Variants in SYCP2L observed in about 807,000 individuals in gnomAD.
SYCP2L encodes the protein synaptonemal complex protein 2 like.
SYCP2L carries 98 observed loss-of-function variants against 125.8 expected under a neutral mutation model. The observed-to-expected ratio is 0.78, with a 90% CI of 0.66 to 0.92. The LOEUF (loss-of-function observed/expected upper bound fraction) is 0.92. Ranked by LOEUF, SYCP2L falls within the 40% of genes least tolerant of loss-of-function variation. The pLI is 0.00. For missense variants in SYCP2L, 842 were observed against 936.4 expected (o/e 0.90, Z 1.32); for synonymous variants, 317 against 325.4 (o/e 0.97, Z 0.28).
At chr6:10,932,298 A>G (rs969539496) in intron 20 of SYCP2L, among the ~76,000 whole-genome samples, 2 of 152,200 alleles carry the variant, frequency 1.3e-5, no homozygotes, top group African/African-American at 2.4e-5. Context: ...AAGAATAGAG[A>G]CAGCAGTGTC....
chr6:10,959,128 T>TA (rs1352674652), intron 26 of SYCP2L, among the ~76,000 whole-genome samples: 3 of 152,204 alleles, frequency 2.0e-5, no homozygotes, highest in Non-Finnish European at 2.9e-5. Context: ...ATTATCCAGT[T>TA]ATGAAGAGAA....
rs1240389122 is a variant in SYCP2L, at chr6:10,912,297, G to A, written c.919-376G>A. Among the ~76,000 whole-genome samples, 1 of 152,074 alleles carries A rather than the reference G, an allele frequency of 6.6e-6. No homozygotes were observed. Among genetic ancestry groups the A allele is most frequent in the Non-Finnish European group, 1.5e-5 (1 of 67,998 alleles). ...GATAGATGGCAAATCACTCATGTTTGGTTACAGTATCTCCTTCTCCAGAAG... is the reference window on the plus strand; with the variant it reads ...GATAGATGGCAAATCACTCATGTTTAGTTACAGTATCTCCTTCTCCAGAAG... On this transcript the variant is annotated intron_variant, in intron 12 of 29. Coordinates refer to ENST00000283141, the MANE Select transcript of SYCP2L (RefSeq NM_001040274.3). This position sits in a 1 kb window ranked among gnomAD's most constrained non-coding sequence, Gnocchi z 4.1.
chr6:10,888,098 T>A (rs1780110452), intron 1 of SYCP2L, among the ~76,000 whole-genome samples: 1 of 76,890 alleles, frequency 1.3e-5, no homozygotes, highest in Non-Finnish European at 2.4e-5. Flanking sequence ...TTTTTTTTTT[T>A]TTTTTTTTTT....
Position 10,931,466 on chromosome 6 carries a change from G to A in SYCP2L, c.1660G>A (p.Gly554Ser). 2.5e-6 allele frequency: 4 copies of A among 1,614,098 alleles called. No individual in the cohort carries two copies. The highest frequency in any genetic ancestry group is 1.7e-6 in the Non-Finnish European group (2 of 1,179,966). ...CTTGCCAGTTTTCCCTCCCAGTAGT[G>A]GCAGTGGCCATGAGAAAGACCAAGT... ...RILPVFPPSS[G>S]SGHEKDQAKL... The change falls in exon 20 of 30, where the codon GGC becomes AGC. Residue 554 changes from glycine to serine, a missense_variant. Gly to Ser is a moderately conservative substitution (Grantham distance 56). Transcript: ENST00000283141.
In SYCP2L at chr6:10,926,386, T is replaced by C; in HGVS notation, c.1266T>C (p.Ser422=). The C allele has an allele frequency of 6.2e-7, 1 of 1,613,930 alleles. No individual in the cohort carries two copies. Among genetic ancestry groups the C allele is most frequent in the Non-Finnish European group, 8.5e-7 (1 of 1,179,896 alleles). Reference sequence around the variant, plus strand: ...TCTCCTCAGAACTTTTTAGTAAGTCTGATAAAGAAGACAGGGAGAGTCCCA... The same window carrying C: ...TCTCCTCAGAACTTTTTAGTAAGTCCGATAAAGAAGACAGGGAGAGTCCCA... ...TKISSELFSK[S]DKEDRESPSG... The change falls in exon 16 of 30, where the codon TCT becomes TCC. Residue 422 remains serine (S), a synonymous_variant. Coordinates refer to ENST00000283141, the MANE Select transcript of SYCP2L (RefSeq NM_001040274.3).
intron 28 of SYCP2L, 117 bp from the exon 29 acceptor site, chr6:10,963,665 A>G: frequency 1.0e-6 from 1 of 979,374 alleles, no homozygotes; most frequent in Non-Finnish European, 1.5e-6. Context: ...GGTGTCTATA[A>G]TTAAGTAATA....
chr6:10,944,836 TC>T (rs1311048543), intron 23 of SYCP2L, among the ~76,000 whole-genome samples: 1 of 152,152 alleles, frequency 6.6e-6, no homozygotes, highest in Non-Finnish European at 1.5e-5. Flanking sequence ...TGCCTCAGCC[TC>T]CCAAGTAGCT....
Position 10,912,155 on chromosome 6 carries a change from C to T in SYCP2L, c.919-518C>T, listed in dbSNP as rs1462849737. Among the ~76,000 whole-genome samples, 3 of 151,878 alleles carry T rather than the reference C, an allele frequency of 2.0e-5. No individual in the cohort carries two copies. The highest frequency in any genetic ancestry group is 7.3e-5 in the African/African-American group (3 of 41,366). Reference sequence around the variant, plus strand: ...AGATGTTTACTGTTTCTATAAACACCATACTGTTAGAATCTTTCTTCCCCT... The same window carrying T: ...AGATGTTTACTGTTTCTATAAACACTATACTGTTAGAATCTTTCTTCCCCT... On this transcript the variant is annotated intron_variant, in intron 12 of 29. Coordinates refer to ENST00000283141, the MANE Select transcript of SYCP2L (RefSeq NM_001040274.3). The surrounding 1 kb of genome is among the most constrained non-coding windows in gnomAD (Gnocchi z 4.1).
intron 14 of SYCP2L, among the ~76,000 whole-genome samples, chr6:10,917,761 T>A (rs1780716055): frequency 6.6e-6 from 1 of 152,198 alleles, no homozygotes; most frequent in African/African-American, 2.4e-5. Flanking sequence ...GATTTATGCC[T>A]TAAAGAGGTT....
At chr6:10,934,493 A>C (rs968534445) in intron 20 of SYCP2L, among the ~76,000 whole-genome samples, 1 of 152,252 alleles carries the variant, frequency 6.6e-6, no homozygotes, top group African/African-American at 2.4e-5. Flanking sequence ...AGCCTGGCCA[A>C]CATGGCGAAA....
At chr6:10,910,977 T>A in intron 12 of SYCP2L, 108 bp downstream of exon 12, 2 of 1,190,918 alleles carry the variant, frequency 1.7e-6, no homozygotes, top group Non-Finnish European at 2.5e-6. Context: ...AAGGGCTTTT[T>A]AAAAAAGGAT....
intron 23 of SYCP2L, among the ~76,000 whole-genome samples, chr6:10,950,566 T>C (rs1581841008): frequency 6.6e-6 from 1 of 152,178 alleles, no homozygotes; most frequent in South Asian, 2.1e-4. Context: ...TTTTAGAAAA[T>C]ACAGTCTAAG....
At chr6:10,889,677 A>G (rs1049938761) in intron 1 of SYCP2L, among the ~76,000 whole-genome samples, 17 of 142,028 alleles carry the variant, frequency 1.2e-4, no homozygotes, top group African/African-American at 4.4e-4. Context: ...CTGGAGTGCA[A>G]TAGTGCAACC....
chr6:10,891,418 ATTTTTT>A (rs61237589), intron 1 of SYCP2L, 89 bp from the exon 2 acceptor site: 1,180 of 472,706 alleles, frequency 2.5e-3, no homozygotes, highest in East Asian at 3.5e-3. Context: ...CAAACCTTTA[ATTTTTT>A]TTTTTTTTTT....
At chr6:10,958,424 G>T (rs1781541865) in intron 25 of SYCP2L, among the ~76,000 whole-genome samples, 1 of 152,122 alleles carries the variant, frequency 6.6e-6, no homozygotes, top group South Asian at 2.1e-4. Flanking sequence ...ATGACTCGCT[G>T]TTGTGAGGAT....
At chr6:10,888,093 T>A (rs1373868414) in intron 1 of SYCP2L, among the ~76,000 whole-genome samples, 6 of 100,544 alleles carry the variant, frequency 6.0e-5, no homozygotes, top group East Asian at 3.6e-4. Context: ...TTTTTTTTTT[T>A]TTTTTTTTTT....
chr6:10,939,076 C>T (rs968118676), intron 21 of SYCP2L, among the ~76,000 whole-genome samples: 1 of 151,668 alleles, frequency 6.6e-6, no homozygotes, highest in Non-Finnish European at 1.5e-5. Context: ...GCTGAGATCA[C>T]GCCACTGCAT....
intron 14 of SYCP2L, among the ~76,000 whole-genome samples, chr6:10,914,233 C>A (rs887188668): frequency 2.0e-5 from 3 of 152,272 alleles, no homozygotes; most frequent in Non-Finnish European, 4.4e-5. Context: ...TTTCATTCTC[C>A]TACATGTGGC....
intron 4 of SYCP2L, among the ~76,000 whole-genome samples, chr6:10,895,849 C>T (rs922600419): frequency 7.9e-5 from 12 of 151,268 alleles, no homozygotes; most frequent in African/African-American, 2.7e-4. Context: ...CTCGGAAGTT[C>T]TTCTACTACA....
Sources: allele counts gnomAD v4.1 joint callset (sites outside exome capture counted in the v4.1 genomes callset), GRCh38; gene constraint gnomAD v4.1.1; non-coding constraint Gnocchi (gnomAD v3.1); transcripts MANE v1.5; gene names NCBI Gene and HGNC (gene_info 2026-07-23, HGNC 2026-07-21).